PLCH1: variants seen among roughly 807,000 people sequenced by gnomAD.
PLCH1 encodes the protein phospholipase C eta 1.
Under a neutral mutation model 126.7 loss-of-function variants are expected in PLCH1, and 60 were observed. That is an observed-to-expected ratio of 0.47 (90% CI 0.38 to 0.59). PLCH1 has a LOEUF of 0.59. Ranked by LOEUF, PLCH1 falls within the 20% of genes least tolerant of loss-of-function variation. PLCH1 has a pLI of 0.00. For missense variants in PLCH1, 1,723 were observed against 2,040.0 expected (o/e 0.84, Z 2.99); for synonymous variants, 719 against 734.9 (o/e 0.98, Z 0.35).
At chr3:155,659,719 G>A (rs1227402703) in intron 2 of PLCH1, among the ~76,000 whole-genome samples, 4 of 151,888 alleles carry the variant, frequency 2.6e-5, no homozygotes, top group African/African-American at 9.7e-5. Context: ...GGCTGGTCTT[G>A]AACTCCTGAC....
At chr3:155,644,613 T>A (rs1354338243) in intron 2 of PLCH1, among the ~76,000 whole-genome samples, 1 of 151,610 alleles carries the variant, frequency 6.6e-6, no homozygotes, top group African/African-American at 2.4e-5. Context: ...AAAAATAAAA[T>A]AAAATAAATA....
At chr3:155,662,521 T>A (rs747503515) in intron 2 of PLCH1, among the ~76,000 whole-genome samples, 1 of 151,880 alleles carries the variant, frequency 6.6e-6, no homozygotes, top group Non-Finnish European at 1.5e-5. Flanking sequence ...ACAAGTTTTT[T>A]TTTTTTAATC....
rs1745472001 is a variant in PLCH1 at position 155,692,549 on chromosome 3, A to AGTTT, written c.79+11596_79+11597insAAAC. Among the ~76,000 whole-genome samples, 13 of 131,452 alleles carry AGTTT rather than the reference A, an allele frequency of 9.9e-5. No homozygotes were observed. In the South Asian group the frequency reaches 3.5e-3, roughly 36 times the overall value. 86.2% of individuals were successfully genotyped at this position (131,452 alleles called of 152,430 possible). On this transcript the variant is annotated intron_variant, in intron 2 of 22. Transcript: ENST00000460012. ...TGGGCTTGGGTTGAGTCCAACCATC[A>AGTTT]TTGTTTTTGTTTTGTTTTGTTTTGT...
chr3:155,680,476 T>C (rs1338409073), intron 2 of PLCH1, among the ~76,000 whole-genome samples: 1 of 152,154 alleles, frequency 6.6e-6, no homozygotes, highest in African/African-American at 2.4e-5. Context: ...AAAGCAAGTA[T>C]AGGGTGCAGC....
intron 14 of PLCH1, among the ~76,000 whole-genome samples, chr3:155,497,822 C>T (rs748866526): frequency 4.6e-5 from 7 of 152,144 alleles, no homozygotes; most frequent in Non-Finnish European, 8.8e-5. Context: ...TCAAGTGATT[C>T]TCCTGCCTCA....
chr3:155,572,381 C>A (rs1211052660), intron 6 of PLCH1, among the ~76,000 whole-genome samples: 1 of 152,142 alleles, frequency 6.6e-6, no homozygotes, highest in African/African-American at 2.4e-5. Flanking sequence ...AATCTGATGC[C>A]ATTCTGATTC....
chr3:155,612,542 AAAG>A (rs1218355817), intron 2 of PLCH1, among the ~76,000 whole-genome samples: 10 of 152,308 alleles, frequency 6.6e-5, no homozygotes, highest in African/African-American at 2.4e-4. Flanking sequence ...AACAAAAAAA[AAAG>A]ATAAATGAAC....
chr3:155,573,795 G>A (rs745321168), intron 6 of PLCH1, among the ~76,000 whole-genome samples: 86 of 152,296 alleles, frequency 5.6e-4, no homozygotes, highest in African/African-American at 2.0e-3. Context: ...AGTGGCAAAG[G>A]TGCATTGCAA....
chr3:155,653,631 TC>T (rs1741035485), intron 2 of PLCH1, among the ~76,000 whole-genome samples: 1 of 152,170 alleles, frequency 6.6e-6, no homozygotes, highest in Admixed American at 6.5e-5. Flanking sequence ...GTTCATTTCA[TC>T]ACATCCAAAA....
chr3:155,642,778 A>C (rs951645430), intron 2 of PLCH1, among the ~76,000 whole-genome samples: 5 of 152,144 alleles, frequency 3.3e-5, no homozygotes, highest in African/African-American at 1.2e-4. Flanking sequence ...GTGAATGTTT[A>C]TTTGTGAAGT....
At chr3:155,586,849 T>C (rs964356005) in intron 4 of PLCH1, among the ~76,000 whole-genome samples, 2 of 152,136 alleles carry the variant, frequency 1.3e-5, no homozygotes, top group African/African-American at 2.4e-5. Flanking sequence ...TATATCACTA[T>C]CCTAAATGGA....
In PLCH1 at chr3:155,717,182, A is replaced by G. The variant is rs572758891; in HGVS notation, c.-40-12918T>C. Among the ~76,000 whole-genome samples, 6 of 152,378 alleles carry G rather than the reference A, an allele frequency of 3.9e-5. No homozygotes were observed. In the East Asian group the frequency reaches 9.6e-4, roughly 24 times the overall value. On this transcript the variant is annotated intron_variant, in intron 1 of 22. Coordinates refer to ENST00000460012, the MANE Select transcript of PLCH1 (RefSeq NM_014996.4). ...GAAGTGGGCTCCCAAGACCTTGGGC[A>G]GCACTGCCTCTATGGCTTTGCAGTG...
intron 2 of PLCH1, among the ~76,000 whole-genome samples, chr3:155,672,131 T>C (rs1743537648): frequency 6.6e-6 from 1 of 152,092 alleles, no homozygotes; most frequent in Admixed American, 6.6e-5. Flanking sequence ...ACGTAAAATA[T>C]GATGAATCCT....
rs540917480 is a variant in PLCH1 at position 155,572,963 on chromosome 3, G to A, written c.772-4639C>T. ...GGGTGTAGCTATGTTGCCCAGGCTGGTCTCGAACTCCTGGCCTCAAGCAAT... is the reference window on the plus strand; with the variant it reads ...GGGTGTAGCTATGTTGCCCAGGCTGATCTCGAACTCCTGGCCTCAAGCAAT... On this transcript the variant is annotated intron_variant, in intron 6 of 22. Transcript: ENST00000460012. Among the ~76,000 whole-genome samples the A allele has an allele frequency of 4.5e-4, 69 of 152,008 alleles. 1 individual carries two copies. Among genetic ancestry groups the A allele is most frequent in the African/African-American group, 1.5e-3 (63 of 41,456 alleles).
At chr3:155,463,586 A>C (rs141855722) in intron 21 of PLCH1, among the ~76,000 whole-genome samples, 2 of 152,338 alleles carry the variant, frequency 1.3e-5, no homozygotes, top group East Asian at 3.9e-4. Flanking sequence ...CATTTCTGGA[A>C]TCTATGAAGT....
rs747050877 is a variant in PLCH1 at position 155,494,417 on chromosome 3, C to T, written c.1995G>A (p.Thr665=). 6 of 1,613,928 alleles carry T rather than the reference C, an allele frequency of 3.7e-6. No individual in the cohort carries two copies. Among genetic ancestry groups the T allele is most frequent in the Admixed American group, 3.3e-5 (2 of 59,988 alleles). Residue 665 remains threonine, a synonymous_variant, in exon 16 of 23, where the codon ACG becomes ACA. Transcript: ENST00000460012. ...QFMIYNQKQL[T]RIYPSAYRID... is the part of the protein sequence containing the mutation. The stretch of plus-strand genomic sequence containing the variant: ...TGCGGTAGGCAGAGGGGTAAATCCT[C>T]GTGAGTTGCTTTTGATTATAAATCA...
Position 155,490,818 on chromosome 3 carries a change from A to T in PLCH1, c.2358T>A (p.Cys786Ter). 1 of 1,599,936 alleles carries T rather than the reference A, an allele frequency of 6.3e-7. No individual in the cohort carries two copies. Among genetic ancestry groups the T allele is most frequent in the Non-Finnish European group, 8.6e-7 (1 of 1,167,456 alleles). Residue 786 changes from cysteine to a stop codon, truncating the protein, a stop_gained, in exon 19 of 23, where the codon TGT becomes TGA. Transcript: ENST00000460012. LOFTEE classifies it high-confidence loss of function. ...CTACCACACGGGTTTGATCTTTACA[A>T]CAATCTACTGGCAATCCAATAATTT... The part of the protein sequence containing the change: ...EVEIIGLPVD[C>*]CKDQTRVVDD...
At chr3:155,733,942 T>C (rs1352070287) in intron 1 of PLCH1, among the ~76,000 whole-genome samples, 3 of 58,348 alleles carry the variant, frequency 5.1e-5, no homozygotes, top group East Asian at 5.1e-4. Flanking sequence ...TACATATATA[T>C]ATATATATAT....
chr3:155,559,749 A>C (rs924881030), intron 8 of PLCH1, among the ~76,000 whole-genome samples: 1 of 152,192 alleles, frequency 6.6e-6, no homozygotes, highest in Admixed American at 6.5e-5. Flanking sequence ...CCTTTTGGAC[A>C]TACAGAGCCA....
Sources: allele counts gnomAD v4.1 joint callset (sites outside exome capture counted in the v4.1 genomes callset), GRCh38; gene constraint gnomAD v4.1.1; transcripts MANE v1.5; gene names NCBI Gene and HGNC (gene_info 2026-07-23, HGNC 2026-07-21).